Variants in FILIP1 observed in about 807,000 individuals in gnomAD.
FILIP1 encodes filamin A interacting protein 1.
A neutral mutation model predicts 102.1 loss-of-function variants in FILIP1; 61 were observed. The ratio of observed to expected loss-of-function variants is 0.60; its 90% CI spans 0.49 to 0.74. The LOEUF (loss-of-function observed/expected upper bound fraction) is 0.74. FILIP1 is among the 30% of genes least tolerant of loss of function. The probability of loss-of-function intolerance (pLI) is 0.00; values close to 1 mark genes in which losing one functional copy is unlikely to be tolerated. For missense variants in FILIP1, 1,314 were observed against 1,441.2 expected (o/e 0.91, Z 1.43); for synonymous variants, 491 against 526.9 (o/e 0.93, Z 0.93).
At chr6:75,446,077 T>C (rs539805678) in intron 1 of FILIP1, among the ~76,000 whole-genome samples, 24 of 152,296 alleles carry the variant, frequency 1.6e-4, no homozygotes, top group Non-Finnish European at 3.1e-4. Flanking sequence ...AGATCTTGAC[T>C]TATAATCACC....
At chr6:75,424,305 T>C (rs894176838) in intron 1 of FILIP1, among the ~76,000 whole-genome samples, 8 of 152,178 alleles carry the variant, frequency 5.3e-5, no homozygotes, top group Non-Finnish European at 5.9e-5. Context: ...CCAAGAAGTC[T>C]CAAACAATAA....
chr6:75,478,957 C>A (rs1381978265), intron 1 of FILIP1, among the ~76,000 whole-genome samples: 1 of 152,116 alleles, frequency 6.6e-6, no homozygotes, highest in East Asian at 1.9e-4. Context: ...CCCTCACCCT[C>A]ATGATCTAGT....
chr6:75,370,375 C>T (rs946358871), intron 2 of FILIP1, among the ~76,000 whole-genome samples: 1 of 152,114 alleles, frequency 6.6e-6, no homozygotes, highest in African/African-American at 2.4e-5. Context: ...GCATGGTAGG[C>T]ACTCTGTAAA....
At chr6:75,320,789 T>C (rs1346752020) in intron 4 of FILIP1, among the ~76,000 whole-genome samples, 1 of 152,210 alleles carries the variant, frequency 6.6e-6, no homozygotes, top group Non-Finnish European at 1.5e-5. Flanking sequence ...CGTGTCCATT[T>C]TAATTGTTAG....
chr6:75,374,536 G>A (rs1393587939), intron 2 of FILIP1, among the ~76,000 whole-genome samples: 1 of 152,076 alleles, frequency 6.6e-6, no homozygotes, highest in Non-Finnish European at 1.5e-5. Flanking sequence ...GTGCCACCAC[G>A]CCAGACTAAT....
chr6:75,465,179 A>G (rs2149755914), intron 1 of FILIP1: 1 of 186,252 alleles, frequency 5.4e-6, no homozygotes, highest in Non-Finnish European at 1.1e-5. Flanking sequence ...ATTTCCAACC[A>G]TTGGAAGAAC....
intron 1 of FILIP1, among the ~76,000 whole-genome samples, chr6:75,479,367 C>T (rs145101425): frequency 1.3e-5 from 2 of 152,206 alleles, no homozygotes; most frequent in African/African-American, 4.8e-5. Flanking sequence ...GTTTTCCCAC[C>T]AGCAACATAT....
chr6:75,315,262 G>A, intron 4 of FILIP1, 60 bp from the exon 5 acceptor site: 1 of 1,128,560 alleles, frequency 8.9e-7, no homozygotes, highest in Non-Finnish European at 1.2e-6. Context: ...TTTAAGCATT[G>A]ATATTAAATA....
intron 1 of FILIP1, among the ~76,000 whole-genome samples, chr6:75,474,737 C>T (rs1779424742): frequency 6.6e-6 from 1 of 152,002 alleles, no homozygotes; most frequent in African/African-American, 2.4e-5. Flanking sequence ...GAGCTGTGTC[C>T]CCACTCGAAT....
chr6:75,328,112 G>T (rs1773936481), intron 4 of FILIP1, among the ~76,000 whole-genome samples: 1 of 152,044 alleles, frequency 6.6e-6, no homozygotes, highest in African/African-American at 2.4e-5. Context: ...GGGAACCTAT[G>T]GATTTTTTTA....
chr6:75,408,800 G>A (rs914148024), intron 2 of FILIP1, among the ~76,000 whole-genome samples: 8 of 152,088 alleles, frequency 5.3e-5, no homozygotes, highest in Admixed American at 6.6e-5. Context: ...TTCTTTGTAT[G>A]TCACCCTATT....
intron 1 of FILIP1, among the ~76,000 whole-genome samples, chr6:75,421,631 T>TG (rs1318604047): frequency 3.3e-5 from 5 of 152,180 alleles, no homozygotes; most frequent in African/African-American, 9.6e-5. Flanking sequence ...CAGCTCGTAC[T>TG]GACTTCCTCT....
intron 3 of FILIP1, among the ~76,000 whole-genome samples, chr6:75,359,331 G>A (rs954377992): frequency 6.6e-6 from 1 of 152,122 alleles, no homozygotes; most frequent in African/African-American, 2.4e-5. Flanking sequence ...CTGGGGCCCT[G>A]AGTGAATATA....
At chr6:75,429,181 T>A (rs1250634697) in intron 1 of FILIP1, among the ~76,000 whole-genome samples, 1 of 152,184 alleles carries the variant, frequency 6.6e-6, no homozygotes, top group African/African-American at 2.4e-5. Context: ...TTTTTAGTTC[T>A]CAGGGGTTTC....
intron 2 of FILIP1, among the ~76,000 whole-genome samples, chr6:75,407,426 C>A (rs1040639760): frequency 6.6e-6 from 1 of 152,096 alleles, no homozygotes; most frequent in African/African-American, 2.4e-5. Context: ...CGGGGTTTCA[C>A]CATGTTAGCC....
At chr6:75,317,036 A>G (rs1334194650) in intron 4 of FILIP1, among the ~76,000 whole-genome samples, 5 of 152,214 alleles carry the variant, frequency 3.3e-5, no homozygotes, top group African/African-American at 9.6e-5. Flanking sequence ...TTCTAAAAAT[A>G]TATTTTTAGG....
At chr6:75,408,044 T>C (rs932125325) in intron 2 of FILIP1, among the ~76,000 whole-genome samples, 1 of 152,204 alleles carries the variant, frequency 6.6e-6, no homozygotes, top group Non-Finnish European at 1.5e-5. Flanking sequence ...AAGGGGAAAT[T>C]AATCATGGTG....
chr6:75,376,024 T>C (rs755832622), intron 2 of FILIP1, among the ~76,000 whole-genome samples: 5 of 152,222 alleles, frequency 3.3e-5, no homozygotes, highest in African/African-American at 4.8e-5. Flanking sequence ...TCCTCAAATG[T>C]ATTATAAAGT....
At chr6:75,330,456 A>C (rs998955238) in intron 4 of FILIP1, among the ~76,000 whole-genome samples, 1 of 152,114 alleles carries the variant, frequency 6.6e-6, no homozygotes, top group African/African-American at 2.4e-5. Context: ...TGTGATCTCA[A>C]ATTTTTGACC....
Sources: gnomAD v4.1 joint callset for allele counts (sites outside exome capture counted in the v4.1 genomes callset) on GRCh38, gnomAD v4.1.1 for gene constraint, MANE v1.5 for transcripts, NCBI Gene and HGNC (gene_info 2026-07-23, HGNC 2026-07-21) for gene names.